SLC1A2: variants seen among roughly 807,000 people sequenced by gnomAD.
SLC1A2 encodes excitatory amino acid transporter 2.
Under a neutral mutation model 48.8 loss-of-function variants are expected in SLC1A2, and 15 were observed. That is an observed-to-expected ratio of 0.31 (90% CI 0.21 to 0.47). SLC1A2 has a LOEUF of 0.47. SLC1A2 is among the 20% of genes least tolerant of loss of function. The pLI, the probability that SLC1A2 is intolerant of heterozygous loss-of-function variation, is 0.99. For synonymous variants in SLC1A2, 279 were observed against 272.6 expected, an observed-to-expected ratio of 1.02 and a Z score of -0.23; for missense variants, 502 against 730.5, an observed-to-expected ratio of 0.69 and a Z score of 3.61.
chr11:35,282,156 T>C (rs765755973), intron 8 of SLC1A2, among the ~76,000 whole-genome samples: 6 of 152,102 alleles, frequency 3.9e-5, no homozygotes, highest in Non-Finnish European at 8.8e-5. Flanking sequence ...CATCCTTGCA[T>C]AGACACTTGC....
chr11:35,300,049 T>A (rs1281048784), intron 6 of SLC1A2, among the ~76,000 whole-genome samples: 1 of 152,218 alleles, frequency 6.6e-6, no homozygotes. Context: ...TTCCAATGAT[T>A]GAAGATGACA....
chr11:35,290,710 G>C (rs1404957602), intron 7 of SLC1A2, among the ~76,000 whole-genome samples: 1 of 99,832 alleles, frequency 1.0e-5, no homozygotes. Flanking sequence ...ATTAAACCAG[G>C]TTGGGTTTTT....
intron 1 of SLC1A2, among the ~76,000 whole-genome samples, chr11:35,368,034 G>T (rs1228315919): frequency 6.6e-6 from 1 of 152,164 alleles, no homozygotes; most frequent in Non-Finnish European, 1.5e-5. Context: ...GGTGTTGAAG[G>T]CACAGCACCA....
chr11:35,312,185 A>G lies in SLC1A2; in HGVS notation c.561+13T>C, dbSNP rs766527698. 5 of 1,613,528 alleles carry G rather than the reference A, an allele frequency of 3.1e-6. No homozygotes were observed. Among genetic ancestry groups the G allele is most frequent in the Non-Finnish European group, 3.4e-6 (4 of 1,179,584 alleles). On this transcript the variant is annotated intron_variant, in intron 4 of 10. Coordinates refer to ENST00000278379, the MANE Select transcript of SLC1A2 (RefSeq NM_004171.4). Reference sequence around the variant, plus strand: ...AGGACTGGAGAAGAGAGAACATCTGAACTCTGGGTTACCTGTTGAAAGCAG... The same window carrying G: ...AGGACTGGAGAAGAGAGAACATCTGGACTCTGGGTTACCTGTTGAAAGCAG...
At chr11:35,401,751 T>C (rs1452660811) in intron 1 of SLC1A2, among the ~76,000 whole-genome samples, 2 of 152,240 alleles carry the variant, frequency 1.3e-5, no homozygotes, top group Non-Finnish European at 2.9e-5. Context: ...TGTAACATTC[T>C]GTCACATGTT....
intron 1 of SLC1A2, among the ~76,000 whole-genome samples, chr11:35,411,391 T>C (rs531030057): frequency 1.3e-5 from 2 of 152,266 alleles, no homozygotes; most frequent in Non-Finnish European, 2.9e-5. Flanking sequence ...TTTGTTCATG[T>C]TGATGTCCAT....
intron 8 of SLC1A2, 141 bp from the exon 9 acceptor site, chr11:35,281,142 A>T: frequency 8.4e-7 from 1 of 1,195,602 alleles, no homozygotes; most frequent in Non-Finnish European, 1.1e-6. Context: ...CAAGGAATAG[A>T]GAAATCTAAA....
At chr11:35,302,740 G>A (rs537182749) in intron 5 of SLC1A2, among the ~76,000 whole-genome samples, 7 of 151,792 alleles carry the variant, frequency 4.6e-5, no homozygotes, top group African/African-American at 4.8e-5. Context: ...GGTACCTCAC[G>A]CTCAGGCCTG....
intron 8 of SLC1A2, among the ~76,000 whole-genome samples, chr11:35,282,108 G>T (rs1399479891): frequency 2.6e-5 from 4 of 152,066 alleles, no homozygotes; most frequent in African/African-American, 9.7e-5. Context: ...GGTTTGAGCT[G>T]TTTTTTCCCC....
At chr11:35,326,838 A>C (rs1210439075) in intron 1 of SLC1A2, among the ~76,000 whole-genome samples, 1 of 152,152 alleles carries the variant, frequency 6.6e-6, no homozygotes, top group East Asian at 1.9e-4. Flanking sequence ...ATCCCTTTGG[A>C]TTCCACCCAA....
At chr11:35,408,118 G>C (rs1035768805) in intron 1 of SLC1A2, among the ~76,000 whole-genome samples, 1 of 152,184 alleles carries the variant, frequency 6.6e-6, no homozygotes, top group African/African-American at 2.4e-5. Context: ...AGAAGGCTGA[G>C]AGATGGCTTT....
chr11:35,419,118 T>G lies in SLC1A2; in HGVS notation c.-152A>C, dbSNP rs1855703402. ...CCACCCGCCTCCGGGGTAAGCCCTTTAGCGCCTCAACGGGCGCAGGAGGCT... is the reference window on the plus strand; with the variant it reads ...CCACCCGCCTCCGGGGTAAGCCCTTGAGCGCCTCAACGGGCGCAGGAGGCT... On this transcript the variant is annotated 5_prime_UTR_variant, in exon 1 of 11. Coordinates refer to ENST00000278379, the MANE Select transcript of SLC1A2 (RefSeq NM_004171.4). The surrounding 1 kb of genome is among the most constrained non-coding windows in gnomAD (Gnocchi z 5.4). The G allele has an allele frequency of 3.5e-6, 2 of 572,288 alleles. No homozygotes were observed. Among genetic ancestry groups the G allele is most frequent in the South Asian group, 6.0e-5 (2 of 33,068 alleles). The allele number at this position is 572,288 out of a possible 1,614,324, so 35.5% of individuals were successfully genotyped here.
chr11:35,282,237 A>G (rs1368990338), intron 8 of SLC1A2, among the ~76,000 whole-genome samples: 1 of 151,766 alleles, frequency 6.6e-6, no homozygotes, highest in South Asian at 2.1e-4. Flanking sequence ...GGCTCAGAGC[A>G]CTCCAATTTC....
Position 35,258,963 on chromosome 11 carries a change from GAA to G in SLC1A2, c.*1929_*1930del, listed in dbSNP as rs1950353229. ...CTGTCTAAAAAAAAAAAAAAAAAAAGAATGCATTTTCTACTACTACACTTAAT... is the reference window on the plus strand; with the variant it reads ...CTGTCTAAAAAAAAAAAAAAAAAAAGTGCATTTTCTACTACTACACTTAAT... On this transcript the variant is annotated 3_prime_UTR_variant, in exon 11 of 11. Transcript: ENST00000278379. 1 of 128,888 alleles carries G rather than the reference GAA, an allele frequency of 7.8e-6. No homozygotes were observed. Among genetic ancestry groups the G allele is most frequent in the African/African-American group, 3.0e-5 (1 of 33,470 alleles). 8.0% of individuals were successfully genotyped at this position (128,888 alleles called of 1,614,324 possible). A position where few individuals can be genotyped will look rare whatever the true frequency, so the allele number is the denominator to read the frequency against.
intron 1 of SLC1A2, among the ~76,000 whole-genome samples, chr11:35,395,302 T>G (rs1443644284): frequency 6.6e-6 from 1 of 152,100 alleles, no homozygotes; most frequent in African/African-American, 2.4e-5. Flanking sequence ...ATAGCTATTT[T>G]TAAGGTTCTC....
intron 1 of SLC1A2, among the ~76,000 whole-genome samples, chr11:35,416,623 A>T (rs184269093): frequency 6.6e-6 from 1 of 152,312 alleles, no homozygotes; most frequent in African/African-American, 2.4e-5. Context: ...TATTCCCCAA[A>T]CATTCTGGAT....
intron 4 of SLC1A2, among the ~76,000 whole-genome samples, chr11:35,307,559 T>C (rs562555245): frequency 2.0e-5 from 3 of 152,336 alleles, no homozygotes; most frequent in Non-Finnish European, 2.9e-5. Context: ...GAATCCTAGA[T>C]TGTCAGTGCT....
chr11:35,304,200 C>G (rs576616712), intron 5 of SLC1A2, among the ~76,000 whole-genome samples: 4 of 152,176 alleles, frequency 2.6e-5, no homozygotes, highest in African/African-American at 9.6e-5. Flanking sequence ...CCCAGTAGAG[C>G]CAAAGGTCCT....
Position 35,292,338 on chromosome 11 carries a change from AAGG to A in SLC1A2, c.1037_1039del (p.Ser346del). ...CCAAGCTTGGAAAATGCCAGCAAAA[AAGG>A]AGAAGGGGTTTTTCCTGGTCACTAC... On this transcript the variant is annotated inframe_deletion, in exon 7 of 11. Transcript: ENST00000278379. 1 of 1,613,974 alleles carries A rather than the reference AAGG, an allele frequency of 6.2e-7. No individual in the cohort carries two copies. The highest frequency in any genetic ancestry group is 8.5e-7 in the Non-Finnish European group (1 of 1,179,920).
Sources: gnomAD v4.1 joint callset for allele counts (sites outside exome capture counted in the v4.1 genomes callset) on GRCh38, gnomAD v4.1.1 for gene constraint, Gnocchi (gnomAD v3.1) non-coding constraint, MANE v1.5 for transcripts, NCBI Gene and HGNC (gene_info 2026-07-23, HGNC 2026-07-21) for gene names.